The following CACNA2D3 variants were observed in gnomAD, a reference collection of about 807,000 sequenced individuals.
CACNA2D3 encodes the protein voltage-dependent calcium channel subunit alpha-2/delta-3.
Under a neutral mutation model 160.6 loss-of-function variants are expected in CACNA2D3, and 60 were observed. That is an observed-to-expected ratio of 0.37 (90% CI 0.30 to 0.46). CACNA2D3 has a LOEUF of 0.46. Among genes scored for constraint, CACNA2D3 ranks in the 20% least tolerant of loss-of-function variants. The pLI is 1.00. For missense variants in CACNA2D3, 1,205 were observed against 1,365.0 expected (o/e 0.88, Z 1.85); for synonymous variants, 558 against 492.9 (o/e 1.13, Z -1.75).
intron 3 of CACNA2D3, among the ~76,000 whole-genome samples, chr3:54,362,331 G>C (rs1402743427): frequency 6.6e-6 from 1 of 152,186 alleles, no homozygotes; most frequent in African/African-American, 2.4e-5. Flanking sequence ...TTTCTTGCTG[G>C]CTTTTGGCCA....
intron 4 of CACNA2D3, among the ~76,000 whole-genome samples, chr3:54,449,706 C>G (rs1003992080): frequency 6.6e-6 from 1 of 152,098 alleles, no homozygotes; most frequent in African/African-American, 2.4e-5. Flanking sequence ...ACCTTTTTGT[C>G]CCTGCTCTGC....
At position 54,329,855 on chromosome 3, in the gene CACNA2D3, A is replaced by G. The variant is rs77014913; in HGVS notation, c.321+9297A>G. 9.7e-3 allele frequency among the ~76,000 whole-genome samples: 1,478 copies of G among 152,328 alleles called. 11 individuals carry two copies. The highest frequency in any genetic ancestry group is 0.017 in the Non-Finnish European group (1,127 of 68,022). ...ATATTTTGAATGCATATTTAGTCTA[A>G]CTAGCGATGTGTTGGTGGCATTGGT... On this transcript the variant is annotated intron_variant, in intron 3 of 37. Transcript: ENST00000474759.
intron 2 of CACNA2D3, among the ~76,000 whole-genome samples, chr3:54,139,331 C>T (rs762621955): frequency 7.2e-5 from 11 of 152,272 alleles, no homozygotes; most frequent in Non-Finnish European, 1.5e-4. Context: ...CTGCTGTCCC[C>T]ACCTCGGGGT....
At chr3:54,725,465 G>GA (rs1214401070) in intron 11 of CACNA2D3, among the ~76,000 whole-genome samples, 2 of 152,122 alleles carry the variant, frequency 1.3e-5, no homozygotes, top group Non-Finnish European at 2.9e-5. Context: ...AACAAAAAAT[G>GA]AAAATTTGAG....
At chr3:54,648,391 A>T (rs1305221982) in intron 11 of CACNA2D3, among the ~76,000 whole-genome samples, 2 of 152,250 alleles carry the variant, frequency 1.3e-5, no homozygotes, top group Non-Finnish European at 2.9e-5. Flanking sequence ...TGTGACAAAG[A>T]CCAGATGGCC....
chr3:54,285,920 C>G lies in CACNA2D3; in HGVS notation c.205-34522C>G, dbSNP rs1366923178. On this transcript the variant is annotated intron_variant, in intron 2 of 37. Coordinates refer to ENST00000474759, the MANE Select transcript of CACNA2D3 (RefSeq NM_018398.3). The stretch of plus-strand genomic sequence containing the variant: ...ACAGAAAGGACATCCACACCAAAAA[C>G]CCATCTGTACGTCACCATCATCAAA... 2.0e-5 allele frequency among the ~76,000 whole-genome samples: 3 copies of G among 152,156 alleles called. No homozygotes were observed. The East Asian group carries it at 5.8e-4, about 29-fold the overall frequency.
At chr3:54,587,770 A>C (rs1702788169) in intron 9 of CACNA2D3, among the ~76,000 whole-genome samples, 1 of 152,196 alleles carries the variant, frequency 6.6e-6, no homozygotes. Context: ...ACCAAGATGA[A>C]ATAGATAGCT....
intron 3 of CACNA2D3, among the ~76,000 whole-genome samples, chr3:54,338,093 A>G (rs1283212609): frequency 3.3e-5 from 5 of 152,242 alleles, no homozygotes; most frequent in Non-Finnish European, 7.3e-5. Flanking sequence ...GCACTATAGA[A>G]GAAGTAAACA....
intron 11 of CACNA2D3, among the ~76,000 whole-genome samples, chr3:54,698,406 T>C (rs542845570): frequency 6.6e-6 from 1 of 152,368 alleles, no homozygotes; most frequent in East Asian, 1.9e-4. Flanking sequence ...CAGCTAGAGT[T>C]GTCTGTTTTC....
rs58653320 is a variant in CACNA2D3, at chr3:54,224,940, C to CTTT, written c.205-95486_205-95484dup. 3.3e-3 allele frequency among the ~76,000 whole-genome samples: 421 copies of CTTT among 127,996 alleles called. 4 individuals carry two copies. The highest frequency in any genetic ancestry group is 8.6e-3 in the African/African-American group (299 of 34,662). 84.0% of individuals were successfully genotyped at this position (127,996 alleles called of 152,430 possible). A position where few individuals can be genotyped will look rare whatever the true frequency, so the allele number is the denominator to read the frequency against. On this transcript the variant is annotated intron_variant, in intron 2 of 37. Coordinates refer to ENST00000474759, the MANE Select transcript of CACNA2D3 (RefSeq NM_018398.3). ...GCTTCCTGAATTTGTGACTGAATAT[C>CTTT]TTTTTTTTTTTTTTTTTTACTTTAT...
intron 14 of CACNA2D3, among the ~76,000 whole-genome samples, chr3:54,821,025 T>C (rs902097837): frequency 6.6e-6 from 1 of 151,792 alleles, no homozygotes; most frequent in Non-Finnish European, 1.5e-5. Flanking sequence ...CTTCAGGGAG[T>C]TCCAAACGTG....
intron 2 of CACNA2D3, among the ~76,000 whole-genome samples, chr3:54,146,740 G>C (rs1700037212): frequency 6.6e-6 from 1 of 152,380 alleles, no homozygotes; most frequent in Non-Finnish European, 1.5e-5. Context: ...CCCTGAGGGA[G>C]TCTGCGGGGT....
intron 4 of CACNA2D3, among the ~76,000 whole-genome samples, chr3:54,388,481 C>T (rs1282130156): frequency 6.6e-6 from 1 of 152,142 alleles, no homozygotes; most frequent in East Asian, 1.9e-4. Context: ...TAATACTCAA[C>T]ATTTGAAACA....
chr3:54,992,130 A>G (rs568584597), intron 31 of CACNA2D3, among the ~76,000 whole-genome samples: 1 of 152,090 alleles, frequency 6.6e-6, no homozygotes, highest in African/African-American at 2.4e-5. Context: ...GAAATCGTAT[A>G]TTAAGTTGAT....
At chr3:54,257,572 A>G (rs970526838) in intron 2 of CACNA2D3, among the ~76,000 whole-genome samples, 1 of 151,880 alleles carries the variant, frequency 6.6e-6, no homozygotes, top group African/African-American at 2.4e-5. Context: ...AGGTCTTGTC[A>G]TGTCAGAGAG....
intron 13 of CACNA2D3, among the ~76,000 whole-genome samples, chr3:54,779,110 T>G (rs1303199879): frequency 6.6e-6 from 1 of 152,166 alleles, no homozygotes; most frequent in Non-Finnish European, 1.5e-5. Context: ...AAGGGCTTTT[T>G]TTTTTGAGAC....
At chr3:54,157,590 G>C (rs1159269196) in intron 2 of CACNA2D3, among the ~76,000 whole-genome samples, 1 of 152,130 alleles carries the variant, frequency 6.6e-6, no homozygotes, top group Non-Finnish European at 1.5e-5. Context: ...GGGAGTTCGA[G>C]ACCAGCCTGA....
At chr3:54,290,321 C>G (rs1232290700) in intron 2 of CACNA2D3, among the ~76,000 whole-genome samples, 2 of 152,226 alleles carry the variant, frequency 1.3e-5, no homozygotes, top group South Asian at 2.1e-4. Flanking sequence ...CTCATCATCA[C>G]TGGCCATCAG....
intron 14 of CACNA2D3, among the ~76,000 whole-genome samples, chr3:54,821,654 TTC>T (rs200513131): frequency 4.7e-4 from 30 of 63,198 alleles, no homozygotes; most frequent in Admixed American, 1.4e-3. Flanking sequence ...CTTTCTTTCT[TTC>T]TTTCTTTCTT....
Sources: gnomAD v4.1 joint callset for allele counts (sites outside exome capture counted in the v4.1 genomes callset) on GRCh38, gnomAD v4.1.1 for gene constraint, MANE v1.5 for transcripts, NCBI Gene and HGNC (gene_info 2026-07-23, HGNC 2026-07-21) for gene names.